Variants in MAP4 observed in about 807,000 individuals in gnomAD.
The protein encoded by MAP4 is microtubule-associated protein 4.
In MAP4, 76 loss-of-function variants were observed where a neutral mutation model predicts 170.2. The ratio of observed to expected loss-of-function variants is 0.45; its 90% confidence interval spans 0.37 to 0.54. The LOEUF is 0.54. MAP4 is among the 20% of genes least tolerant of loss of function. The pLI is 0.00. For missense variants in MAP4, 2,506 were observed against 2,748.0 expected (o/e 0.91, Z 1.97); for synonymous variants, 909 against 994.5 (o/e 0.91, Z 1.62).
intron 3 of MAP4, among the ~76,000 whole-genome samples, chr3:47,969,309 G>T (rs1409153782): frequency 6.6e-6 from 1 of 152,062 alleles, no homozygotes; most frequent in Non-Finnish European, 1.5e-5. Flanking sequence ...TCGGGAGGCT[G>T]AGGCAAGAGA....
intron 10 of MAP4, among the ~76,000 whole-genome samples, chr3:47,883,823 C>G (rs908873564): frequency 2.0e-5 from 3 of 152,050 alleles, no homozygotes; most frequent in Non-Finnish European, 1.5e-5. Context: ...AAGAAACAGG[C>G]TGTCATTTAA....
chr3:47,861,353 C>CTTTT (rs35553466), intron 17 of MAP4, among the ~76,000 whole-genome samples: 1 of 132,326 alleles, frequency 7.6e-6, no homozygotes, highest in African/African-American at 2.9e-5. Context: ...GAGACTCCGT[C>CTTTT]TTTTTTTTTT....
chr3:47,855,211 C>A lies in MAP4; in HGVS notation c.6696+37G>T. 1 of 1,471,800 alleles carries A rather than the reference C, an allele frequency of 6.8e-7. No homozygotes were observed. The highest frequency in any genetic ancestry group is 1.1e-5 in the South Asian group (1 of 88,172). The allele number at this position is 1,471,800 out of a possible 1,614,324, so 91.2% of individuals were successfully genotyped here. On this transcript the variant is annotated intron_variant, in intron 19 of 20. Transcript: ENST00000683076. The surrounding 1 kb of genome is among the most constrained non-coding windows in gnomAD (Gnocchi z 5.1). ...GACCCTAACTGCATAGTTCCCACCC[C>A]TCCCCAGCTGTGTCTCCCCAGTGAC...
At chr3:48,074,536 C>T (rs2100142710) in intron 1 of MAP4, among the ~76,000 whole-genome samples, 1 of 109,080 alleles carries the variant, frequency 9.2e-6, no homozygotes, top group Non-Finnish European at 1.7e-5. Flanking sequence ...TTTTTTGAGA[C>T]AGAGGCTCAC....
intron 12 of MAP4, among the ~76,000 whole-genome samples, chr3:47,875,138 A>G (rs879919280): frequency 6.6e-6 from 1 of 152,256 alleles, no homozygotes; most frequent in Non-Finnish European, 1.5e-5. Context: ...TTATCACATC[A>G]TGCTGGAACA....
At chr3:48,036,611 G>A (rs1035273631) in intron 1 of MAP4, among the ~76,000 whole-genome samples, 3 of 152,190 alleles carry the variant, frequency 2.0e-5, no homozygotes, top group African/African-American at 7.2e-5. Flanking sequence ...CCAGACTCTT[G>A]ACGAGGCTGT....
Position 47,853,280 on chromosome 3 carries a change from C to T in MAP4, c.6769G>A (p.Ala2257Thr). The stretch of plus-strand genomic sequence containing the variant: ...GTGGGGGCGCCAGCTTCAGGCGCTG[C>T]CTCAGAGATGGCCGGCTCCTCCCCA... ...PAGEEPAISEAAPEAGAPTSA... is the reference protein window; with the variant it reads ...PAGEEPAISETAPEAGAPTSA... The change falls in exon 20 of 21, where the codon GCA (alanine) becomes ACA (threonine). Residue 2257 changes from alanine (A) to threonine (T), a missense_variant. By Grantham distance (58) the Ala-to-Thr change is moderately conservative (BLOSUM62 0). Coordinates refer to ENST00000683076, the MANE Select transcript of MAP4 (RefSeq NM_001385682.1). 4 of 1,609,516 alleles carry T rather than the reference C, an allele frequency of 2.5e-6. No individual in the cohort carries two copies. The highest frequency in any genetic ancestry group is 3.4e-6 in the Non-Finnish European group (4 of 1,178,248).
intron 20 of MAP4, 100 bp downstream of exon 20, chr3:47,853,062 AT>A (rs1323335003): frequency 6.2e-7 from 1 of 1,614,114 alleles, no homozygotes; most frequent in Non-Finnish European, 8.5e-7. Flanking sequence ...AGGTTACTTC[AT>A]TAAAATTTAG....
chr3:47,881,634 AT>A (rs989116203), intron 10 of MAP4, among the ~76,000 whole-genome samples: 1 of 148,944 alleles, frequency 6.7e-6, no homozygotes, highest in Non-Finnish European at 1.5e-5. Context: ...TACTTGGGCA[AT>A]TTTTTTTTCT....
In MAP4 at chr3:47,890,724, G is replaced by T. The variant is rs545586572; in HGVS notation, c.5434+12226C>A. ...GTTGGACAGGGTGACATGAGGTCAA[G>T]AAAGGGGGTCTAGTTTTTATACCCA... On this transcript the variant is annotated intron_variant, in intron 10 of 20. Coordinates refer to ENST00000683076, the MANE Select transcript of MAP4 (RefSeq NM_001385682.1). Among the ~76,000 whole-genome samples the T allele has an allele frequency of 5.3e-5, 8 of 152,296 alleles. No homozygotes were observed. In the South Asian group the frequency reaches 1.7e-3, roughly 32 times the overall value.
At chr3:47,937,915 G>GATT (rs2100053969) in intron 3 of MAP4, among the ~76,000 whole-genome samples, 1 of 150,660 alleles carries the variant, frequency 6.6e-6, no homozygotes, top group Non-Finnish European at 1.5e-5. Flanking sequence ...GCCCGCCTCA[G>GATT]TCTCCCAAAG....
At chr3:47,859,620 G>A (rs954375531) in intron 17 of MAP4, among the ~76,000 whole-genome samples, 4 of 152,074 alleles carry the variant, frequency 2.6e-5, no homozygotes, top group East Asian at 1.9e-4. Flanking sequence ...GCTTCAATCC[G>A]TCTCTTTCTC....
At chr3:48,043,448 T>A (rs141150409) in intron 1 of MAP4, among the ~76,000 whole-genome samples, 2 of 151,984 alleles carry the variant, frequency 1.3e-5, no homozygotes, top group East Asian at 3.9e-4. Flanking sequence ...ATAAAATATA[T>A]CTCAACAAAA....
intron 4 of MAP4, 46 bp downstream of exon 4, chr3:47,928,182 T>A (rs1272702883): frequency 6.2e-7 from 1 of 1,606,884 alleles, no homozygotes; most frequent in Admixed American, 1.7e-5. Context: ...TTTTCACATT[T>A]ATGTCATAGC....
In MAP4 at chr3:47,917,170, G is replaced by A. The variant is rs768883998; in HGVS notation, c.657C>T (p.Pro219=). 6.2e-6 allele frequency: 10 copies of A among 1,610,908 alleles called. No homozygotes were observed. The highest frequency in any genetic ancestry group is 2.2e-5 in the East Asian group (1 of 44,870). Residue 219 remains proline (P), a synonymous_variant, in exon 7 of 21, where the codon CCC becomes CCT. Coordinates refer to ENST00000683076, the MANE Select transcript of MAP4 (RefSeq NM_001385682.1). The part of the protein sequence containing the change: ...VAEPPQPTAV[P]LELAKEIEMA... ...TTTCTATCTCCTTGGCTAGCTCTAA[G>A]GGAACTAAATTGGAAATTTAGGACA...
At chr3:47,972,975 T>G in intron 3 of MAP4, 4 of 962,338 alleles carry the variant, frequency 4.2e-6, no homozygotes, top group Non-Finnish European at 4.9e-6. Context: ...CGGGTGGGAT[T>G]AGAAGCTATA....
At chr3:48,072,497 T>C (rs1316365662) in intron 1 of MAP4, among the ~76,000 whole-genome samples, 1 of 152,048 alleles carries the variant, frequency 6.6e-6, no homozygotes, top group East Asian at 1.9e-4. Flanking sequence ...TGAGACTCTG[T>C]CCCAAAAAAA....
chr3:48,031,735 T>C (rs1426084168), intron 1 of MAP4, among the ~76,000 whole-genome samples: 1 of 151,946 alleles, frequency 6.6e-6, no homozygotes, highest in Non-Finnish European at 1.5e-5. Context: ...AAAAAAAAAT[T>C]AGCTGGGCTT....
intron 12 of MAP4, among the ~76,000 whole-genome samples, chr3:47,874,497 T>C (rs994784130): frequency 2.0e-5 from 3 of 151,990 alleles, no homozygotes; most frequent in African/African-American, 2.4e-5. Flanking sequence ...AAAAAGTTCA[T>C]GTATATACAG....
Sources: gnomAD v4.1 joint callset for allele counts (sites outside exome capture counted in the v4.1 genomes callset) on GRCh38, gnomAD v4.1.1 for gene constraint, Gnocchi (gnomAD v3.1) non-coding constraint, MANE v1.5 for transcripts, NCBI Gene and HGNC (gene_info 2026-07-23, HGNC 2026-07-21) for gene names.